The following SLC4A10 variants were observed in gnomAD, a reference collection of about 807,000 sequenced individuals.
SLC4A10 encodes sodium-driven chloride bicarbonate exchanger.
Under a neutral mutation model 137.7 loss-of-function variants are expected in SLC4A10, and 42 were observed. The ratio of observed to expected loss-of-function variants is 0.30; its 90% CI spans 0.24 to 0.39. The LOEUF (loss-of-function observed/expected upper bound fraction) is 0.39. Among genes scored for constraint, SLC4A10 ranks in the 10% least tolerant of loss-of-function variants. The probability of loss-of-function intolerance (pLI) is 1.00; values close to 1 mark genes in which losing one functional copy is unlikely to be tolerated. For missense variants in SLC4A10, 925 were observed against 1,355.0 expected, an observed-to-expected ratio of 0.68 and a Z score of 4.98; for synonymous variants, 474 against 464.1, an observed-to-expected ratio of 1.02 and a Z score of -0.27.
intron 3 of SLC4A10, among the ~76,000 whole-genome samples, chr2:161,813,224 T>A (rs1304266234): frequency 1.3e-5 from 2 of 152,100 alleles, no homozygotes; most frequent in East Asian, 1.9e-4. Flanking sequence ...TTTTTTCTCA[T>A]TTTTAAACAA....
intron 1 of SLC4A10, chr2:161,651,416 C>T (rs982460912): frequency 1.3e-5 from 2 of 152,328 alleles, no homozygotes; most frequent in Non-Finnish European, 2.9e-5. Context: ...TTGAGACCCG[C>T]CAAATGGCAG....
intron 4 of SLC4A10, among the ~76,000 whole-genome samples, chr2:161,842,304 T>C (rs762507167): frequency 3.9e-5 from 6 of 152,164 alleles, no homozygotes; most frequent in Non-Finnish European, 8.8e-5. Context: ...CTATCAACAG[T>C]GTATGAGAGT....
In SLC4A10 at chr2:161,674,047, A is replaced by T. The variant is rs917957681; in HGVS notation, c.48+49481A>T. On this transcript the variant is annotated intron_variant, in intron 1 of 26. Coordinates refer to ENST00000446997, the MANE Select transcript of SLC4A10 (RefSeq NM_001178015.2). ...TATTTGAAAAAATCCACATTTAAAA[A>T]TAGGTAAGTTTTAATACAACAATCA... 3.9e-5 allele frequency among the ~76,000 whole-genome samples: 6 copies of T among 152,314 alleles called. No individual in the cohort carries two copies. In the South Asian group the frequency reaches 1.2e-3, roughly 32 times the overall value.
chr2:161,710,336 C>T (rs747288402), intron 1 of SLC4A10, among the ~76,000 whole-genome samples: 12 of 151,688 alleles, frequency 7.9e-5, no homozygotes, highest in Non-Finnish European at 1.2e-4. Flanking sequence ...TGGGATTCCT[C>T]TTGGTATTGG....
At chr2:161,702,697 T>C (rs561539336) in intron 1 of SLC4A10, among the ~76,000 whole-genome samples, 1 of 151,900 alleles carries the variant, frequency 6.6e-6, no homozygotes, top group African/African-American at 2.4e-5. Flanking sequence ...AGAGAAAAAA[T>C]AAAGTCTATG....
intron 7 of SLC4A10, 32 bp downstream of exon 7, chr2:161,872,416 T>TA: frequency 1.9e-6 from 3 of 1,557,060 alleles, no homozygotes; most frequent in Non-Finnish European, 2.7e-6. Context: ...CTAAGTAAGT[T>TA]GCTAAATTAC....
chr2:161,962,619 T>C (rs527407413), intron 21 of SLC4A10, among the ~76,000 whole-genome samples: 25 of 152,178 alleles, frequency 1.6e-4, no homozygotes, highest in Non-Finnish European at 3.4e-4. Flanking sequence ...CAGCACTTAG[T>C]AGCCTGCATA....
intron 1 of SLC4A10, among the ~76,000 whole-genome samples, chr2:161,738,267 T>G (rs2125229186): frequency 6.6e-6 from 1 of 152,316 alleles, no homozygotes; most frequent in African/African-American, 2.4e-5. Context: ...GGGATCCCAC[T>G]TCTGACACTG....
At chr2:161,806,399 G>A (rs1408090756) in intron 3 of SLC4A10, among the ~76,000 whole-genome samples, 1 of 152,042 alleles carries the variant, frequency 6.6e-6, no homozygotes, top group Admixed American at 6.6e-5. Context: ...CTCAGAAAAT[G>A]GAATTTTCTT....
chr2:161,788,076 T>C (rs1054656618), intron 2 of SLC4A10, among the ~76,000 whole-genome samples: 17 of 152,242 alleles, frequency 1.1e-4, no homozygotes, highest in Admixed American at 9.2e-4. Flanking sequence ...GACTTTATCA[T>C]GTTTATTCTT....
At chr2:161,829,775 G>T (rs773781808) in intron 3 of SLC4A10, among the ~76,000 whole-genome samples, 13 of 152,120 alleles carry the variant, frequency 8.5e-5, no homozygotes, top group Admixed American at 1.3e-4. Context: ...GAGGTTGAAT[G>T]GATCACAGTT....
At chr2:161,951,660 C>G (rs530824211) in intron 19 of SLC4A10, among the ~76,000 whole-genome samples, 1 of 152,058 alleles carries the variant, frequency 6.6e-6, no homozygotes, top group East Asian at 1.9e-4. Flanking sequence ...CCTTTAAACT[C>G]TAGGAGAAAA....
chr2:161,658,157 T>C (rs1324562314), intron 1 of SLC4A10, among the ~76,000 whole-genome samples: 1 of 152,190 alleles, frequency 6.6e-6, no homozygotes, highest in African/African-American at 2.4e-5. Flanking sequence ...TACAGATTGA[T>C]TTGCTGTCCT....
intron 1 of SLC4A10, among the ~76,000 whole-genome samples, chr2:161,637,292 A>G (rs2034602109): frequency 6.6e-6 from 1 of 151,514 alleles, no homozygotes; most frequent in African/African-American, 2.4e-5. Flanking sequence ...TCTACCTCCC[A>G]GGTTCAAGCA....
chr2:161,718,477 T>C (rs2045218329), intron 1 of SLC4A10, among the ~76,000 whole-genome samples: 1 of 152,206 alleles, frequency 6.6e-6, no homozygotes, highest in Non-Finnish European at 1.5e-5. Flanking sequence ...TTTAGCTGTG[T>C]CCCAGAGATT....
chr2:161,717,902 G>C (rs1476832359), intron 1 of SLC4A10, among the ~76,000 whole-genome samples: 1 of 152,164 alleles, frequency 6.6e-6, no homozygotes, highest in Non-Finnish European at 1.5e-5. Context: ...GTAGAATTCA[G>C]CTGTAAATTC....
At chr2:161,794,867 G>A (rs77926900) in intron 2 of SLC4A10, among the ~76,000 whole-genome samples, 4,962 of 152,072 alleles carry the variant, frequency 0.033, 222 homozygotes, top group African/African-American at 0.1. Flanking sequence ...CGTGTAACTG[G>A]CACTGGTGAG....
At chr2:161,665,843 A>T (rs1035399041) in intron 1 of SLC4A10, among the ~76,000 whole-genome samples, 1 of 150,616 alleles carries the variant, frequency 6.6e-6, no homozygotes, top group African/African-American at 2.4e-5. Context: ...TTTCAGTACA[A>T]TTTGTGTGTT....
rs1051266298 is a variant in SLC4A10 at position 161,804,605 on chromosome 2, C to G, written c.277+10C>G. The G allele has an allele frequency of 6.3e-7, 1 of 1,598,996 alleles. No homozygotes were observed. The highest frequency in any genetic ancestry group is 8.5e-7 in the Non-Finnish European group (1 of 1,172,740). On this transcript the variant is annotated intron_variant, in intron 3 of 26. Coordinates refer to ENST00000446997, the MANE Select transcript of SLC4A10 (RefSeq NM_001178015.2). ...GAGTCACCTTCTTTTGGTAAGAATCCTTCTCCTTGTTTTTATTAAGTTAAT... is the reference window on the plus strand; with the variant it reads ...GAGTCACCTTCTTTTGGTAAGAATCGTTCTCCTTGTTTTTATTAAGTTAAT...
Sources: gnomAD v4.1 joint callset for allele counts (sites outside exome capture counted in the v4.1 genomes callset) on GRCh38, gnomAD v4.1.1 for gene constraint, MANE v1.5 for transcripts, NCBI Gene and HGNC (gene_info 2026-07-23, HGNC 2026-07-21) for gene names.